The following STOX1 variants were observed in gnomAD, a reference collection of about 807,000 sequenced individuals.
STOX1 encodes storkhead-box protein 1.
Under a neutral mutation model 74.8 loss-of-function variants are expected in STOX1, and 57 were observed. The observed-to-expected ratio is 0.76, with a 90% CI of 0.62 to 0.95. STOX1 has a LOEUF of 0.95. STOX1 is among the 40% of genes least tolerant of loss of function. The pLI, the probability that STOX1 is intolerant of heterozygous loss-of-function variation, is 0.00. For missense variants in STOX1, 1,010 were observed against 1,117.0 expected (o/e 0.90, Z 1.37); for synonymous variants, 375 against 401.3 (o/e 0.93, Z 0.78).
At chr10:68,855,187 C>G (rs561496199) in intron 1 of STOX1, among the ~76,000 whole-genome samples, 1 of 147,404 alleles carries the variant, frequency 6.8e-6, no homozygotes, top group African/African-American at 2.5e-5. Context: ...GTGGCGTGAT[C>G]TTGGCTCACT....
chr10:68,870,831 C>T (rs562572510), intron 1 of STOX1, among the ~76,000 whole-genome samples: 1 of 152,314 alleles, frequency 6.6e-6, no homozygotes, highest in East Asian at 1.9e-4. Flanking sequence ...CCATAAGGAA[C>T]TGATATCTGC....
intron 1 of STOX1, among the ~76,000 whole-genome samples, chr10:68,877,938 G>C (rs573704119): frequency 6.6e-6 from 1 of 152,262 alleles, no homozygotes; most frequent in South Asian, 2.1e-4. Context: ...GCTGGATTTG[G>C]AGAAAGGGGG....
intron 1 of STOX1, among the ~76,000 whole-genome samples, chr10:68,835,676 T>TC (rs1052828914): frequency 6.6e-6 from 1 of 152,166 alleles, no homozygotes; most frequent in African/African-American, 2.4e-5. Flanking sequence ...CACATTAAGT[T>TC]ACTTACCTTC....
chr10:68,872,283 A>AATAT (rs2131978316), intron 1 of STOX1, among the ~76,000 whole-genome samples: 1 of 152,076 alleles, frequency 6.6e-6, no homozygotes, highest in Admixed American at 6.5e-5. Context: ...AGTAGAGAAA[A>AATAT]ACTCGTGTTC....
chr10:68,877,252 C>T (rs1164694568), intron 1 of STOX1, among the ~76,000 whole-genome samples: 1 of 152,126 alleles, frequency 6.6e-6, no homozygotes, highest in Non-Finnish European at 1.5e-5. Flanking sequence ...TAGATTTGTT[C>T]ACTCTTTTAA....
intron 1 of STOX1, among the ~76,000 whole-genome samples, chr10:68,870,170 A>G (rs1245968324): frequency 1.3e-5 from 2 of 152,082 alleles, no homozygotes; most frequent in Non-Finnish European, 2.9e-5. Flanking sequence ...TTTCTCTCCT[A>G]ACTTCCTAAA....
At chr10:68,868,826 C>T (rs7903209) in intron 1 of STOX1, among the ~76,000 whole-genome samples, 42,012 of 152,076 alleles carry the variant, frequency 0.28, 6,211 homozygotes, top group African/African-American at 0.37. Context: ...AGTTAAAAAG[C>T]GCTGATATCA....
Position 68,861,842 on chromosome 10 carries a change from C to A in STOX1, c.311-20116C>A, listed in dbSNP as rs1009382448. Among the ~76,000 whole-genome samples the A allele has an allele frequency of 2.0e-5, 3 of 152,094 alleles. No individual in the cohort carries two copies. The East Asian group carries it at 5.8e-4, about 29-fold the overall frequency. On this transcript the variant is annotated intron_variant, in intron 1 of 3. Transcript: ENST00000298596. ...ATTTGTTCTGTTAATTTTGCAATAT[C>A]CAAAGACAAAGTTTGTAGAGTGTCC...
chr10:68,882,415 C>T (rs1236757572), intron 2 of STOX1, among the ~76,000 whole-genome samples: 1 of 151,936 alleles, frequency 6.6e-6, no homozygotes, highest in Non-Finnish European at 1.5e-5. Flanking sequence ...CCTATTTTTT[C>T]ATTCTCACTT....
chr10:68,890,298 A>C (rs1004262610), intron 3 of STOX1, among the ~76,000 whole-genome samples: 1 of 151,716 alleles, frequency 6.6e-6, no homozygotes, highest in African/African-American at 2.4e-5. Flanking sequence ...CTGGGACCAC[A>C]GGCTTGCACC....
chr10:68,857,820 G>A (rs915053976), intron 1 of STOX1, among the ~76,000 whole-genome samples: 2 of 152,068 alleles, frequency 1.3e-5, no homozygotes, highest in African/African-American at 4.8e-5. Context: ...TGGTGGGAAA[G>A]GGAGGAGGTG....
chr10:68,894,482 G>C (rs567792362), downstream of STOX1, among the ~76,000 whole-genome samples: 3 of 152,250 alleles, frequency 2.0e-5, no homozygotes, highest in South Asian at 6.2e-4. Flanking sequence ...CTTTTGCAGT[G>C]GTCAGCTCAC....
At chr10:68,891,698 A>G (rs1344587167) in intron 3 of STOX1, among the ~76,000 whole-genome samples, 2 of 151,624 alleles carry the variant, frequency 1.3e-5, no homozygotes, top group East Asian at 3.9e-4. Flanking sequence ...GCTACTCAGG[A>G]GGCTGAGGCA....
At chr10:68,887,497 G>T (rs1008836516) in intron 3 of STOX1, among the ~76,000 whole-genome samples, 1 of 151,924 alleles carries the variant, frequency 6.6e-6, no homozygotes, top group Admixed American at 6.6e-5. Flanking sequence ...GGTCAGGCTG[G>T]TCTTGAACTC....
At chr10:68,837,572 G>T (rs1839586324) in intron 1 of STOX1, among the ~76,000 whole-genome samples, 2 of 152,250 alleles carry the variant, frequency 1.3e-5, no homozygotes, top group Non-Finnish European at 2.9e-5. Flanking sequence ...CCTGAAGTAT[G>T]CATTATCTTT....
At chr10:68,829,863 C>T (rs1012912227) in intron 1 of STOX1, among the ~76,000 whole-genome samples, 2 of 152,172 alleles carry the variant, frequency 1.3e-5, no homozygotes, top group Non-Finnish European at 2.9e-5. Flanking sequence ...AAAATCCTCA[C>T]GAGCGAAGAG....
chr10:68,880,524 G>A (rs567728369), intron 1 of STOX1, among the ~76,000 whole-genome samples: 2 of 151,992 alleles, frequency 1.3e-5, no homozygotes, highest in East Asian at 3.9e-4. Flanking sequence ...AAATCCAATG[G>A]CTTTTCTCCT....
At chr10:68,846,296 A>G (rs1348036962) in intron 1 of STOX1, among the ~76,000 whole-genome samples, 2 of 151,668 alleles carry the variant, frequency 1.3e-5, no homozygotes, top group East Asian at 1.9e-4. Context: ...ACAGGCATGC[A>G]CCACCAGACC....
intron 1 of STOX1, among the ~76,000 whole-genome samples, chr10:68,865,166 C>T (rs1277280784): frequency 6.6e-6 from 1 of 152,182 alleles, no homozygotes; most frequent in Non-Finnish European, 1.5e-5. Flanking sequence ...CGAGTAGGTT[C>T]AATTGCTTGC....
Sources: gnomAD v4.1 joint callset for allele counts (sites outside exome capture counted in the v4.1 genomes callset) on GRCh38, gnomAD v4.1.1 for gene constraint, MANE v1.5 for transcripts, NCBI Gene and HGNC (gene_info 2026-07-23, HGNC 2026-07-21) for gene names.